CBFA2T2: variants seen among roughly 807,000 people sequenced by gnomAD.
The protein encoded by CBFA2T2 is CBFA2/RUNX1 partner transcriptional co-repressor 2.
CBFA2T2 carries 11 observed loss-of-function variants against 62.2 expected under a neutral mutation model. The observed-to-expected ratio is 0.18, with a 90% confidence interval of 0.11 to 0.29. The LOEUF (loss-of-function observed/expected upper bound fraction) is 0.29, where lower values mean the gene tolerates loss of function less well. Among genes scored for constraint, CBFA2T2 ranks in the 10% least tolerant of loss-of-function variants. The probability of loss-of-function intolerance (pLI) is 1.00; values close to 1 mark genes in which losing one functional copy is unlikely to be tolerated. For missense variants in CBFA2T2, 592 were observed against 774.1 expected, an observed-to-expected ratio of 0.76 and a Z score of 2.79; for synonymous variants, 295 against 287.5, an observed-to-expected ratio of 1.03 and a Z score of -0.27.
chr20:33,611,225 G>T lies in CBFA2T2; in HGVS notation c.310G>T (p.Ala104Ser). The T allele has an allele frequency of 6.2e-7, 1 of 1,614,152 alleles. No homozygotes were observed. Among genetic ancestry groups the T allele is most frequent in the Non-Finnish European group, 8.5e-7 (1 of 1,180,030 alleles). ...TCAGCAATTGCCAGCCACTTGTGGT[G>T]CTCGACAACTCAGCAAGTTGAAACG... ...TNQQLPATCGARQLSKLKRFL... is the reference protein window; with the variant it reads ...TNQQLPATCGSRQLSKLKRFL... The change falls in exon 3 of 11, where the codon GCT becomes TCT. Residue 104 changes from alanine to serine, a missense_variant. By Grantham distance (99) the Ala-to-Ser change is moderately conservative (BLOSUM62 1). This residue lies in a region of CBFA2T2 where 449 missense variants were observed against 551.2 expected (regional missense o/e 0.81). Transcript: ENST00000342704.
chr20:33,551,575 G>T (rs1824935547), intron 1 of CBFA2T2, among the ~76,000 whole-genome samples: 1 of 151,850 alleles, frequency 6.6e-6, no homozygotes, highest in African/African-American at 2.4e-5. Context: ...CTGTCACCCA[G>T]TCTGGAGTGC....
intron 1 of CBFA2T2, among the ~76,000 whole-genome samples, chr20:33,529,678 AC>A (rs1426354102): frequency 6.6e-6 from 1 of 150,930 alleles, no homozygotes. Flanking sequence ...CTTTAAAAAA[AC>A]AAACAAAAAA....
At chr20:33,536,400 G>A (rs1246647644) in intron 1 of CBFA2T2, among the ~76,000 whole-genome samples, 2 of 140,262 alleles carry the variant, frequency 1.4e-5, no homozygotes, top group African/African-American at 5.3e-5. Context: ...CTCACCTCCC[G>A]GACAGGGTGG....
chr20:33,596,704 C>A (rs1375100303), intron 1 of CBFA2T2, among the ~76,000 whole-genome samples: 1 of 152,140 alleles, frequency 6.6e-6, no homozygotes, highest in African/African-American at 2.4e-5. Flanking sequence ...ATCACAACTT[C>A]AGACTTTCCC....
intron 1 of CBFA2T2, among the ~76,000 whole-genome samples, chr20:33,499,935 G>A (rs77942538): frequency 0.022 from 3,408 of 152,060 alleles, 119 homozygotes; most frequent in African/African-American, 0.078. Context: ...CATTCATTAT[G>A]CATTGAGTGT....
intron 7 of CBFA2T2, among the ~76,000 whole-genome samples, 174 bp downstream of exon 7, chr20:33,628,609 C>T (rs913295755): frequency 2.6e-5 from 4 of 152,144 alleles, no homozygotes; most frequent in Admixed American, 6.5e-5. Context: ...GCTGGGATTA[C>T]AGGTGTACGC....
intron 1 of CBFA2T2, among the ~76,000 whole-genome samples, chr20:33,493,266 G>A (rs1271105988): frequency 6.6e-6 from 1 of 151,562 alleles, no homozygotes; most frequent in Non-Finnish European, 1.5e-5. Flanking sequence ...AGTAGAGATG[G>A]GGTTTCACTA....
chr20:33,548,134 G>T (rs373618181), intron 1 of CBFA2T2, among the ~76,000 whole-genome samples: 1 of 151,992 alleles, frequency 6.6e-6, no homozygotes, highest in South Asian at 2.1e-4. Flanking sequence ...TACAAAGAAG[G>T]CAGGATCTCT....
chr20:33,619,062 T>G (rs1229442401), intron 3 of CBFA2T2, among the ~76,000 whole-genome samples: 1 of 152,170 alleles, frequency 6.6e-6, no homozygotes, highest in Non-Finnish European at 1.5e-5. Flanking sequence ...CCTGCAGTTA[T>G]CCTTTTCCTT....
intron 3 of CBFA2T2, among the ~76,000 whole-genome samples, chr20:33,618,267 A>G (rs1356249725): frequency 2.0e-5 from 3 of 151,408 alleles, no homozygotes; most frequent in African/African-American, 7.3e-5. Context: ...CAAAGTTTCT[A>G]AAAGTAAATT....
intron 1 of CBFA2T2, among the ~76,000 whole-genome samples, chr20:33,547,103 G>A (rs1350406913): frequency 1.3e-5 from 2 of 152,198 alleles, no homozygotes; most frequent in East Asian, 1.9e-4. Flanking sequence ...AGGAGGCTGA[G>A]GCAGGAGAAT....
chr20:33,567,020 G>A (rs1465321989), intron 1 of CBFA2T2, among the ~76,000 whole-genome samples: 1 of 152,166 alleles, frequency 6.6e-6, no homozygotes, highest in Non-Finnish European at 1.5e-5. Context: ...TTCCCTCCAA[G>A]TTCAAGTCAG....
chr20:33,515,119 C>T (rs991679433), intron 1 of CBFA2T2, among the ~76,000 whole-genome samples: 3 of 151,668 alleles, frequency 2.0e-5, no homozygotes, highest in East Asian at 1.9e-4. Flanking sequence ...GAGGCCGAAG[C>T]GGGTGGATCA....
chr20:33,514,271 G>A (rs1421050889), intron 1 of CBFA2T2, among the ~76,000 whole-genome samples: 1 of 136,094 alleles, frequency 7.3e-6, no homozygotes, highest in African/African-American at 2.8e-5. Context: ...CTGGAGTGCA[G>A]TGGTGCGATC....
intron 1 of CBFA2T2, among the ~76,000 whole-genome samples, chr20:33,535,037 T>TA (rs1339892814): frequency 1.3e-5 from 2 of 152,204 alleles, no homozygotes; most frequent in Non-Finnish European, 2.9e-5. Context: ...TTCCATTTGT[T>TA]AAAAAATGCA....
intron 3 of CBFA2T2, among the ~76,000 whole-genome samples, chr20:33,614,460 T>G (rs1266519217): frequency 6.6e-6 from 1 of 152,210 alleles, no homozygotes; most frequent in Non-Finnish European, 1.5e-5. Context: ...TACAGTTTAG[T>G]GACAATAAGT....
At chr20:33,553,866 G>A (rs2012812026) in intron 1 of CBFA2T2, among the ~76,000 whole-genome samples, 1 of 152,000 alleles carries the variant, frequency 6.6e-6, no homozygotes, top group Non-Finnish European at 1.5e-5. Context: ...TAAAAAGTCT[G>A]ATCTTAAAGT....
intron 1 of CBFA2T2, among the ~76,000 whole-genome samples, chr20:33,564,605 C>G (rs1294649485): frequency 6.6e-6 from 1 of 151,654 alleles, no homozygotes; most frequent in Non-Finnish European, 1.5e-5. Context: ...GGGACATGGT[C>G]TCAAACTCTG....
intron 1 of CBFA2T2, among the ~76,000 whole-genome samples, chr20:33,564,202 A>G (rs543224250): frequency 1.4e-4 from 21 of 151,228 alleles, no homozygotes; most frequent in African/African-American, 5.1e-4. Context: ...GTACTCTTCA[A>G]TTTCTTCCTT....
Sources: gnomAD v4.1 joint callset for allele counts (sites outside exome capture counted in the v4.1 genomes callset) on GRCh38, gnomAD v4.1.1 for gene constraint, gnomAD v4.1.1 regional missense constraint, MANE v1.5 for transcripts, NCBI Gene and HGNC (gene_info 2026-07-23, HGNC 2026-07-21) for gene names.